The following PCSK5 variants were observed in gnomAD, a reference collection of about 807,000 sequenced individuals.
PCSK5 encodes the protein proprotein convertase subtilisin/kexin type 5, also known as prohormone convertase 5.
PCSK5 carries 129 observed loss-of-function variants against 233.2 expected under a neutral mutation model. The observed-to-expected ratio is 0.55, with a 90% CI of 0.48 to 0.64. PCSK5 has a LOEUF of 0.64. Among genes scored for constraint, PCSK5 ranks in the 30% least tolerant of loss-of-function variants. The probability of loss-of-function intolerance (pLI) is 0.00; values close to 1 mark genes in which losing one functional copy is unlikely to be tolerated. For synonymous variants in PCSK5, 825 were observed against 879.2 expected (o/e 0.94, Z 1.09); for missense variants, 2,076 against 2,430.1 (o/e 0.85, Z 3.06).
intron 3 of PCSK5, among the ~76,000 whole-genome samples, chr9:76,020,755 G>T (rs915017127): frequency 1.3e-5 from 2 of 152,102 alleles, no homozygotes; most frequent in African/African-American, 2.4e-5. Context: ...TTCAATTTTC[G>T]TAATTACAAT....
intron 2 of PCSK5, among the ~76,000 whole-genome samples, chr9:75,960,238 G>A (rs1354317165): frequency 6.6e-6 from 1 of 152,174 alleles, no homozygotes; most frequent in Admixed American, 6.5e-5. Flanking sequence ...TTAGATTATA[G>A]GTCAGAAGAC....
At chr9:76,284,518 C>CTTTTTTTTTTTTTTTTTTT (rs35359559) in intron 24 of PCSK5, among the ~76,000 whole-genome samples, 1 of 127,290 alleles carries the variant, frequency 7.9e-6, no homozygotes, top group Non-Finnish European at 1.6e-5. Context: ...CCATTAAACC[C>CTTTTTTTTTTTTTTTTTTT]TTTTTTTTTT....
At chr9:76,207,788 C>T (rs1201715334) in intron 20 of PCSK5, among the ~76,000 whole-genome samples, 1 of 152,156 alleles carries the variant, frequency 6.6e-6, no homozygotes, top group Non-Finnish European at 1.5e-5. Flanking sequence ...GAGGTGTGAG[C>T]ACCTGGAAAG....
rs1045868222 is a variant in PCSK5 at position 75,953,543 on chromosome 9, G to A, written c.297+21060G>A. Among the ~76,000 whole-genome samples, 7 of 152,080 alleles carry A rather than the reference G, an allele frequency of 4.6e-5. 1 individual carries two copies. In the East Asian group the frequency reaches 7.7e-4, roughly 17 times the overall value. On this transcript the variant is annotated intron_variant, in intron 2 of 37. Transcript: ENST00000674117. ...ACCAAATGTGAGAACCTGCTGCCAC[G>A]TGCCTACTGGAAGGAAACATGCTTG...
At chr9:75,977,799 A>G (rs1826093464) in intron 2 of PCSK5, among the ~76,000 whole-genome samples, 2 of 151,448 alleles carry the variant, frequency 1.3e-5, no homozygotes, top group Non-Finnish European at 2.9e-5. Context: ...TTTAGTAGAG[A>G]TGGGGTTTTG....
chr9:76,302,322 G>A (rs17179700), intron 28 of PCSK5, 105 bp downstream of exon 28: 7,879 of 444,790 alleles, frequency 0.018, 107 homozygotes, highest in East Asian at 0.035. Context: ...AGAAGCAAAT[G>A]GGGTGCAGAG....
intron 28 of PCSK5, among the ~76,000 whole-genome samples, chr9:76,304,281 T>A (rs1168632522): frequency 2.0e-5 from 3 of 152,254 alleles, no homozygotes; most frequent in Non-Finnish European, 4.4e-5. Flanking sequence ...TGTATTTGCA[T>A]CTATCCGCAT....
chr9:75,948,366 T>G (rs1824682030), intron 2 of PCSK5, among the ~76,000 whole-genome samples: 1 of 136,954 alleles, frequency 7.3e-6, no homozygotes. Flanking sequence ...TGTGTCCATG[T>G]GTTCTCATTG....
chr9:75,965,313 A>T (rs1343320621), intron 2 of PCSK5, among the ~76,000 whole-genome samples: 1 of 150,508 alleles, frequency 6.6e-6, no homozygotes, highest in African/African-American at 2.5e-5. Context: ...AGAAAGAGAG[A>T]TACTAATTAT....
chr9:76,166,195 T>C (rs939146023), intron 12 of PCSK5, among the ~76,000 whole-genome samples: 3 of 152,190 alleles, frequency 2.0e-5, no homozygotes. Flanking sequence ...GTGATGGTTG[T>C]GTTTGGCTGC....
At chr9:75,969,578 G>A (rs908975825) in intron 2 of PCSK5, among the ~76,000 whole-genome samples, 38 of 152,258 alleles carry the variant, frequency 2.5e-4, no homozygotes, top group Admixed American at 1.6e-3. Context: ...TCTACCTTCA[G>A]TATCATTCTC....
chr9:75,978,633 A>G (rs1826128577), intron 2 of PCSK5, among the ~76,000 whole-genome samples: 1 of 152,188 alleles, frequency 6.6e-6, no homozygotes, highest in Non-Finnish European at 1.5e-5. Flanking sequence ...ATGTTTTTAG[A>G]TGTTTTAATA....
chr9:76,195,588 G>A (rs981978090), intron 20 of PCSK5: 4 of 152,050 alleles, frequency 2.6e-5, no homozygotes, highest in African/African-American at 4.8e-5. Flanking sequence ...TATATATTAT[G>A]TATAAATATA....
At chr9:76,238,139 A>T (rs901125484) in intron 22 of PCSK5, among the ~76,000 whole-genome samples, 5 of 152,234 alleles carry the variant, frequency 3.3e-5, no homozygotes, top group Non-Finnish European at 7.3e-5. Context: ...GAGCACACTC[A>T]GCACAAAAAC....
intron 7 of PCSK5, among the ~76,000 whole-genome samples, chr9:76,091,510 A>G (rs2131640782): frequency 6.6e-6 from 1 of 152,318 alleles, no homozygotes; most frequent in Admixed American, 6.5e-5. Flanking sequence ...AACACAGTTC[A>G]GTCCACAGCA....
At chr9:76,148,126 C>G (rs904302057) in intron 10 of PCSK5, among the ~76,000 whole-genome samples, 1 of 151,694 alleles carries the variant, frequency 6.6e-6, no homozygotes, top group South Asian at 2.1e-4. Context: ...TATTCTACAA[C>G]TTTGACCCAT....
At chr9:76,121,202 A>G (rs1832617422) in intron 9 of PCSK5, among the ~76,000 whole-genome samples, 1 of 151,256 alleles carries the variant, frequency 6.6e-6, no homozygotes, top group African/African-American at 2.4e-5. Flanking sequence ...GTTTTGTATT[A>G]TCATTAGGAA....
At chr9:76,275,386 T>G (rs1433507673) in intron 24 of PCSK5, among the ~76,000 whole-genome samples, 1 of 152,156 alleles carries the variant, frequency 6.6e-6, no homozygotes, top group African/African-American at 2.4e-5. Context: ...TTAAAAAAGC[T>G]ATTTTTTGTT....
chr9:75,975,530 C>T (rs1458669689), intron 2 of PCSK5, among the ~76,000 whole-genome samples: 1 of 152,122 alleles, frequency 6.6e-6, no homozygotes, highest in East Asian at 1.9e-4. Context: ...CTGAATTGAA[C>T]AATTTCTCTA....
Sources: allele counts gnomAD v4.1 joint callset (sites outside exome capture counted in the v4.1 genomes callset), GRCh38; gene constraint gnomAD v4.1.1; transcripts MANE v1.5; gene names NCBI Gene and HGNC (gene_info 2026-07-23, HGNC 2026-07-21).